CFAP206: variants seen among roughly 807,000 people sequenced by gnomAD.
The protein encoded by CFAP206 is cilia and flagella associated protein 206.
A neutral mutation model predicts 65.4 loss-of-function variants in CFAP206; 53 were observed. The observed-to-expected ratio is 0.81, with a 90% CI of 0.65 to 1.02. The LOEUF (loss-of-function observed/expected upper bound fraction) is 1.02, where lower values mean the gene tolerates loss of function less well. Among genes scored for constraint, CFAP206 ranks in the 50% least tolerant of loss-of-function variants. CFAP206 has a pLI of 0.00. For synonymous variants in CFAP206, 250 were observed against 254.4 expected (o/e 0.98, Z 0.17); for missense variants, 663 against 753.2 (o/e 0.88, Z 1.40).
chr6:87,412,764 G>A (rs1400650429), intron 3 of CFAP206, among the ~76,000 whole-genome samples: 2 of 152,090 alleles, frequency 1.3e-5, no homozygotes, highest in South Asian at 2.1e-4. Flanking sequence ...GTTCTCAAGC[G>A]ATTCTCCTGT....
chr6:87,431,840 T>G (rs1325432055), intron 10 of CFAP206, among the ~76,000 whole-genome samples: 1 of 152,206 alleles, frequency 6.6e-6, no homozygotes, highest in African/African-American at 2.4e-5. Context: ...GAGCAACACT[T>G]ATTTGACATG....
At chr6:87,452,438 A>G (rs1041787342) in intron 11 of CFAP206, among the ~76,000 whole-genome samples, 2 of 152,148 alleles carry the variant, frequency 1.3e-5, no homozygotes, top group Non-Finnish European at 2.9e-5. Context: ...AACATCCAGA[A>G]GCATCAAGAC....
At chr6:87,415,529 A>G (rs66632635) in intron 4 of CFAP206, 157 bp from the exon 5 acceptor site, 24,396 of 734,656 alleles carry the variant, frequency 0.033, 485 homozygotes, top group African/African-American at 0.057. Context: ...TTGAGGCTAC[A>G]TGCTGGCCAC....
intron 11 of CFAP206, among the ~76,000 whole-genome samples, chr6:87,450,439 T>A (rs1391410549): frequency 6.6e-6 from 1 of 151,708 alleles, no homozygotes; most frequent in Non-Finnish European, 1.5e-5. Flanking sequence ...CATTTCTTTA[T>A]AAATGTGTGT....
Position 87,434,858 on chromosome 6 carries a change from A to G in CFAP206, c.1301-2A>G. The G allele has an allele frequency of 7.6e-7, 1 of 1,310,382 alleles. No homozygotes were observed. Among genetic ancestry groups the G allele is most frequent in the South Asian group, 1.4e-5 (1 of 73,596 alleles). The allele number at this position is 1,310,382 out of a possible 1,614,324, so 81.2% of individuals were successfully genotyped here. A position where few individuals can be genotyped will look rare whatever the true frequency, so the allele number is the denominator to read the frequency against. ...CATATCTAATTCTTTTTTTATTTTC[A>G]GGAAATCCAGCAATTGGAATTTTAA... On this transcript the variant is annotated splice_acceptor_variant, in intron 10 of 12. Coordinates refer to ENST00000369562, the MANE Select transcript of CFAP206 (RefSeq NM_001031743.3). LOFTEE classifies it high-confidence loss of function.
chr6:87,434,418 C>CAAA (rs11435368), intron 10 of CFAP206, among the ~76,000 whole-genome samples: 1 of 102,356 alleles, frequency 9.8e-6, no homozygotes, highest in Non-Finnish European at 2.0e-5. Context: ...GACACAGTCT[C>CAAA]AAAAAAAAAA....
At chr6:87,430,685 C>A (rs1425703379) in intron 9 of CFAP206, among the ~76,000 whole-genome samples, 5 of 152,192 alleles carry the variant, frequency 3.3e-5, no homozygotes, top group Admixed American at 3.3e-4. Flanking sequence ...TCTGCAGCAG[C>A]AGGAAGCACC....
chr6:87,445,456 G>A (rs1768427250), intron 11 of CFAP206, among the ~76,000 whole-genome samples: 2 of 152,080 alleles, frequency 1.3e-5, no homozygotes, highest in African/African-American at 4.8e-5. Flanking sequence ...AACACGTGGT[G>A]TTTGGTTTGC....
chr6:87,463,312 G>T (rs1018050244), intron 12 of CFAP206, among the ~76,000 whole-genome samples: 61 of 152,254 alleles, frequency 4.0e-4, no homozygotes, highest in African/African-American at 1.3e-3. Context: ...CAATAACCTG[G>T]GTATTGGGGA....
At chr6:87,440,017 A>T (rs890094346) in intron 11 of CFAP206, among the ~76,000 whole-genome samples, 1 of 152,180 alleles carries the variant, frequency 6.6e-6, no homozygotes, top group Non-Finnish European at 1.5e-5. Context: ...GAAGTACATA[A>T]TGAAGTTCCA....
At position 87,418,371 on chromosome 6, in the gene CFAP206, G is replaced by C; in HGVS notation, c.795G>C (p.Ala265=). The C allele has an allele frequency of 1.2e-6, 2 of 1,614,070 alleles. No individual in the cohort carries two copies. Among genetic ancestry groups the C allele is most frequent in the Non-Finnish European group, 1.7e-6 (2 of 1,180,002 alleles). The change falls in exon 7 of 13, where the codon GCG becomes GCC. Residue 265 remains alanine (A), a synonymous_variant. Coordinates refer to ENST00000369562, the MANE Select transcript of CFAP206 (RefSeq NM_001031743.3). The part of the protein sequence containing the change: ...AELQPYMLKE[A]LYNIRQYEVF... The stretch of plus-strand genomic sequence containing the variant: ...TTCAGCCATATATGTTAAAAGAAGC[G>C]CTATATAATATACGACAATATGAGG...
chr6:87,450,668 G>C (rs6937823), intron 11 of CFAP206, among the ~76,000 whole-genome samples: 94,718 of 151,114 alleles, frequency 0.63, 30,319 homozygotes, highest in African/African-American at 0.76. Flanking sequence ...ATCATCCCCC[G>C]ACAGGAACAT....
In CFAP206 at chr6:87,409,945, A is replaced by G. The variant is rs535296260; in HGVS notation, c.106A>G (p.Met36Val). 1.3e-6 allele frequency: 2 copies of G among 1,597,348 alleles called. No individual in the cohort carries two copies. The highest frequency in any genetic ancestry group is 1.1e-5 in the South Asian group (1 of 89,574). Residue 36 changes from methionine to valine, a missense_variant and splice_region_variant, in exon 2 of 13, where the codon ATG (methionine) becomes GTG (valine). Coordinates refer to ENST00000369562, the MANE Select transcript of CFAP206 (RefSeq NM_001031743.3). Reference sequence around the variant, plus strand: ...TGTTTCTGAAACTCTGATTGCTTTTATGGTAAGAAGAAATATTTTTGTGAT... The same window carrying G: ...TGTTTCTGAAACTCTGATTGCTTTTGTGGTAAGAAGAAATATTTTTGTGAT... ...EIVSETLIAF[M>V]VKAVVLDPSN...
At chr6:87,447,368 C>A (rs926314613) in intron 11 of CFAP206, among the ~76,000 whole-genome samples, 1 of 152,026 alleles carries the variant, frequency 6.6e-6, no homozygotes, top group Non-Finnish European at 1.5e-5. Flanking sequence ...CCATCAATAC[C>A]TAGTTGATTG....
Position 87,410,045 on chromosome 6 carries a change from G to A in CFAP206, c.108+98G>A, listed in dbSNP as rs1767706139. 5 of 821,568 alleles carry A rather than the reference G, an allele frequency of 6.1e-6. No individual in the cohort carries two copies. The South Asian group carries it at 8.2e-5, about 13-fold the overall frequency. 50.9% of individuals were successfully genotyped at this position (821,568 alleles called of 1,614,324 possible). A position where few individuals can be genotyped will look rare whatever the true frequency, so the allele number is the denominator to read the frequency against. Reference sequence around the variant, plus strand: ...TAAATTCTGTGAGGCTTTCATAAATGTTTTTCAGTTGAAGCATAACGAGAT... The same window carrying A: ...TAAATTCTGTGAGGCTTTCATAAATATTTTTCAGTTGAAGCATAACGAGAT... On this transcript the variant is annotated intron_variant, in intron 2 of 12. Coordinates refer to ENST00000369562, the MANE Select transcript of CFAP206 (RefSeq NM_001031743.3).
At chr6:87,430,262 C>T (rs997333531) in intron 9 of CFAP206, among the ~76,000 whole-genome samples, 2 of 152,124 alleles carry the variant, frequency 1.3e-5, no homozygotes, top group South Asian at 4.1e-4. Flanking sequence ...GTTTGTGGTG[C>T]CTGCTTTTTG....
intron 11 of CFAP206, among the ~76,000 whole-genome samples, chr6:87,455,514 A>C (rs1477309410): frequency 1.3e-5 from 2 of 152,146 alleles, no homozygotes; most frequent in African/African-American, 2.4e-5. Context: ...GAGCAGAAAT[A>C]AATGAAATTG....
At chr6:87,410,513 G>A in intron 2 of CFAP206, 72 bp from the exon 3 acceptor site, 1 of 1,128,246 alleles carries the variant, frequency 8.9e-7, no homozygotes, top group Non-Finnish European at 1.3e-6. Flanking sequence ...AACATATTAA[G>A]CTAATAATAT....
At chr6:87,458,454 G>A (rs1190623149) in intron 11 of CFAP206, among the ~76,000 whole-genome samples, 1 of 151,936 alleles carries the variant, frequency 6.6e-6, no homozygotes, top group African/African-American at 2.4e-5. Flanking sequence ...AAGAAAATGT[G>A]GTACATATAC....
Sources: allele counts gnomAD v4.1 joint callset (sites outside exome capture counted in the v4.1 genomes callset), GRCh38; gene constraint gnomAD v4.1.1; transcripts MANE v1.5; gene names NCBI Gene and HGNC (gene_info 2026-07-23, HGNC 2026-07-21).